Variants in MBTPS1 observed in about 807,000 individuals in gnomAD.
MBTPS1 encodes the protein membrane bound transcription factor peptidase, site 1.
A neutral mutation model predicts 127.8 loss-of-function variants in MBTPS1; 94 were observed. That is an observed-to-expected ratio of 0.74 (90% CI 0.62 to 0.87). The LOEUF is 0.87. Ranked by LOEUF, MBTPS1 falls within the 40% of genes least tolerant of loss-of-function variation. The pLI, the probability that MBTPS1 is intolerant of heterozygous loss-of-function variation, is 0.00. For missense variants in MBTPS1, 1,636 were observed against 1,353.2 expected (o/e 1.21, Z -3.28); for synonymous variants, 632 against 509.4 (o/e 1.24, Z -3.24).
rs891648510 is a variant in MBTPS1 at position 84,074,606 on chromosome 16, A to G, written c.1584T>C (p.Ile528=). ...ILNGMGVTGR[I]VDKPDWQPYL... is the part of the protein sequence containing the mutation. ...CAGAGAGAAGTTTCACCTTATCTACAATTCTTCCTGTGACTCCCATGCCGT... is the reference window on the plus strand; with the variant it reads ...CAGAGAGAAGTTTCACCTTATCTACGATTCTTCCTGTGACTCCCATGCCGT... The change falls in exon 12 of 23, where the codon ATT becomes ATC. Residue 528 remains isoleucine, a synonymous_variant. Coordinates refer to ENST00000343411, the MANE Select transcript of MBTPS1 (RefSeq NM_003791.4). 1.2e-6 allele frequency: 2 copies of G among 1,613,922 alleles called. No individual in the cohort carries two copies. Among genetic ancestry groups the G allele is most frequent in the Admixed American group, 1.7e-5 (1 of 60,000 alleles).
At chr16:84,055,625 G>A (rs540594423) in intron 22 of MBTPS1, among the ~76,000 whole-genome samples, 42 of 152,320 alleles carry the variant, frequency 2.8e-4, no homozygotes, top group Middle Eastern at 3.4e-3. Flanking sequence ...GAGCCAGGGC[G>A]GCTGCTGCCA....
At chr16:84,060,630 A>G (rs928893035) in intron 20 of MBTPS1, 52 bp downstream of exon 20, 1 of 1,585,422 alleles carries the variant, frequency 6.3e-7, no homozygotes, top group East Asian at 2.3e-5. Context: ...AAGTAGCATC[A>G]TGTTCAGCTG....
At chr16:84,112,967 G>T in intron 1 of MBTPS1, among the ~76,000 whole-genome samples, 1 of 124,488 alleles carries the variant, frequency 8.0e-6, no homozygotes, top group African/African-American at 3.1e-5. Context: ...AGAGCGAGAT[G>T]CCATCTCAAA....
At chr16:84,054,967 C>A (rs1188360291) in intron 22 of MBTPS1, among the ~76,000 whole-genome samples, 1 of 152,126 alleles carries the variant, frequency 6.6e-6, no homozygotes, top group Non-Finnish European at 1.5e-5. Flanking sequence ...CCCAGAGGCG[C>A]TCTGTGTTTC....
At chr16:84,072,733 T>C (rs994615175) in intron 12 of MBTPS1, among the ~76,000 whole-genome samples, 4 of 152,070 alleles carry the variant, frequency 2.6e-5, no homozygotes, top group Admixed American at 2.0e-4. Flanking sequence ...GAGCTTGCAG[T>C]GAGCCGAGAT....
intron 21 of MBTPS1, among the ~76,000 whole-genome samples, chr16:84,058,972 A>G (rs1597300339): frequency 6.6e-6 from 1 of 152,210 alleles, no homozygotes; most frequent in African/African-American, 2.4e-5. Context: ...AACAGGGAAC[A>G]CACTGCAGCC....
At chr16:84,071,150 T>TA (rs1169062120) in intron 12 of MBTPS1, among the ~76,000 whole-genome samples, 10 of 152,208 alleles carry the variant, frequency 6.6e-5, no homozygotes, top group Admixed American at 6.5e-4. Context: ...TTGTATGCTT[T>TA]AAAAAAATCC....
Position 84,099,143 on chromosome 16 carries a change from T to C in MBTPS1, c.331A>G (p.Lys111Glu). The change falls in exon 3 of 23, where the codon AAA becomes GAA. Residue 111 changes from lysine to glutamate, a missense_variant. Coordinates refer to ENST00000343411, the MANE Select transcript of MBTPS1 (RefSeq NM_003791.4). ...FEVIQIKEKQKAGLLTLEDHP... is the reference protein window; with the variant it reads ...FEVIQIKEKQEAGLLTLEDHP... ...TCTTCAAGTGTTAGCAGCCCCGCTT[T>C]CTGTTTTTCTTTTATCTGAATCACC... 1.2e-6 allele frequency: 2 copies of C among 1,614,178 alleles called. No individual in the cohort carries two copies. Among genetic ancestry groups the C allele is most frequent in the Non-Finnish European group, 1.7e-6 (2 of 1,180,026 alleles).
At chr16:84,065,022 AC>A (rs2085661020) in intron 18 of MBTPS1, among the ~76,000 whole-genome samples, 1 of 152,234 alleles carries the variant, frequency 6.6e-6, no homozygotes, top group South Asian at 2.1e-4. Context: ...CGAATCTTGT[AC>A]ATTTTCATTT....
At chr16:84,085,579 C>CCT (rs1567490561) in intron 9 of MBTPS1, among the ~76,000 whole-genome samples, 36 of 103,272 alleles carry the variant, frequency 3.5e-4, no homozygotes, top group Admixed American at 1.9e-3. Context: ...CCGCCCCCCC[C>CCT]CCAAAAAAAA....
At chr16:84,065,263 G>A (rs1597308403) in intron 18 of MBTPS1, among the ~76,000 whole-genome samples, 2 of 151,984 alleles carry the variant, frequency 1.3e-5, no homozygotes, top group South Asian at 4.2e-4. Context: ...GACTACAGGC[G>A]CGTGCCATCA....
chr16:84,081,501 A>C, intron 11 of MBTPS1: 1 of 309,928 alleles, frequency 3.2e-6, no homozygotes, highest in Non-Finnish European at 5.8e-6. Context: ...CAACAAAAGC[A>C]AAAAAACCAC....
chr16:84,067,723 A>C lies in MBTPS1; in HGVS notation c.2172T>G (p.Ser724Arg). Residue 724 changes from serine to arginine, a missense_variant, in exon 16 of 23, where the codon AGT becomes AGG. Ser to Arg is a moderately radical substitution (Grantham distance 110). Transcript: ENST00000343411. The part of the protein sequence containing the change: ...VDNGLSLVIF[S>R]DWYNTSVMRK... ...TCATAACAGAAGTGTTGTACCAGTC[A>C]CTGAAGATGACGAGCGAGAGGCCGT... 6.2e-7 allele frequency: 1 copy of C among 1,614,138 alleles called. No individual in the cohort carries two copies. The highest frequency in any genetic ancestry group is 8.5e-7 in the Non-Finnish European group (1 of 1,179,940).
chr16:84,116,320 T>TC (rs2086477326), intron 1 of MBTPS1, among the ~76,000 whole-genome samples: 1 of 152,066 alleles, frequency 6.6e-6, no homozygotes, highest in East Asian at 1.9e-4. Flanking sequence ...CCGAACAGAA[T>TC]CCCCGCATTT....
chr16:84,054,498 C>T lies in MBTPS1; in HGVS notation c.3110G>A (p.Arg1037His), dbSNP rs750666666. ...RPKRRKPRVK[R>H]PQLMQQVHPP... ...GTGAACCTGCTGCATGAGCTGCGGG[C>T]GCTTCACCCTGGGCTTCCTCCGCTT... is the stretch of plus-strand genomic sequence containing the variant. Residue 1037 changes from arginine (R) to histidine (H), a missense_variant, in exon 23 of 23, where the codon CGC becomes CAC. Coordinates refer to ENST00000343411, the MANE Select transcript of MBTPS1 (RefSeq NM_003791.4). The T allele has an allele frequency of 8.1e-6, 13 of 1,613,080 alleles. No individual in the cohort carries two copies. Among genetic ancestry groups the T allele is most frequent in the Admixed American group, 3.3e-5 (2 of 59,902 alleles).
At chr16:84,085,213 G>T in intron 9 of MBTPS1, 79 bp from the exon 10 acceptor site, 1 of 1,398,288 alleles carries the variant, frequency 7.2e-7, no homozygotes, top group South Asian at 1.2e-5. Context: ...AATCAAATCA[G>T]AACAGAGATA....
At chr16:84,087,805 A>T (rs2086052239) in intron 8 of MBTPS1, among the ~76,000 whole-genome samples, 1 of 152,142 alleles carries the variant, frequency 6.6e-6, no homozygotes, top group Non-Finnish European at 1.5e-5. Flanking sequence ...CACTTAACAC[A>T]ATCACAATTT....
intron 9 of MBTPS1, among the ~76,000 whole-genome samples, chr16:84,086,981 C>A (rs979646818): frequency 1.3e-5 from 2 of 152,070 alleles, no homozygotes; most frequent in African/African-American, 2.4e-5. Context: ...TCCCCTCCCC[C>A]AAAAAATATC....
At chr16:84,082,545 T>C (rs969760822) in intron 10 of MBTPS1, among the ~76,000 whole-genome samples, 1 of 152,184 alleles carries the variant, frequency 6.6e-6, no homozygotes, top group African/African-American at 2.4e-5. Context: ...GAACTTAGCC[T>C]GGTGATACTA....
Sources: allele counts gnomAD v4.1 joint callset (sites outside exome capture counted in the v4.1 genomes callset), GRCh38; gene constraint gnomAD v4.1.1; transcripts MANE v1.5; gene names NCBI Gene and HGNC (gene_info 2026-07-23, HGNC 2026-07-21).